TRIB2: variants seen among roughly 807,000 people sequenced by gnomAD.
TRIB2 encodes tribbles pseudokinase 2, also known as tribbles homolog 2.
A neutral mutation model predicts 26.8 loss-of-function variants in TRIB2; 2 were observed. That is an observed-to-expected ratio of 0.07 (90% CI 0.03 to 0.24). The LOEUF is 0.24. Among genes scored for constraint, TRIB2 ranks in the 10% least tolerant of loss-of-function variants. The pLI, the probability that TRIB2 is intolerant of heterozygous loss-of-function variation, is 1.00. For synonymous variants in TRIB2, 189 were observed against 187.3 expected (o/e 1.01, Z -0.08); for missense variants, 306 against 449.0 (o/e 0.68, Z 2.88).
rs1661484502 is a variant in TRIB2, at chr2:12,732,717, G to A, written c.564-7609G>A. On this transcript the variant is annotated intron_variant, in intron 2 of 2. Coordinates refer to ENST00000155926, the MANE Select transcript of TRIB2 (RefSeq NM_021643.4). The surrounding 1 kb of genome is among the most constrained non-coding windows in gnomAD (Gnocchi z 4.2). ...AATGCAGCTGCCAGGCCGGCATGAT[G>A]GTGCCAATGGTGCCAGGTGGTCCTT... 6.6e-6 allele frequency among the ~76,000 whole-genome samples: 1 copy of A among 152,222 alleles called. No homozygotes were observed. Among genetic ancestry groups the A allele is most frequent in the Non-Finnish European group, 1.5e-5 (1 of 68,034 alleles).
chr2:12,722,767 A>AAGCT (rs1203226099), intron 1 of TRIB2, among the ~76,000 whole-genome samples: 4 of 152,072 alleles, frequency 2.6e-5, no homozygotes, highest in Non-Finnish European at 5.9e-5. Flanking sequence ...CACTGGGCAA[A>AAGCT]AGCTAGCTGT....
rs1349605792 is a variant in TRIB2, at chr2:12,717,128, CT to C, written c.-1179del. The C allele has an allele frequency of 2.7e-6, 1 of 367,362 alleles. No homozygotes were observed. Among genetic ancestry groups the C allele is most frequent in the Non-Finnish European group, 4.8e-6 (1 of 207,356 alleles). The allele number at this position is 367,362 out of a possible 1,614,324, so 22.8% of individuals were successfully genotyped here. On this transcript the variant is annotated 5_prime_UTR_variant, in exon 1 of 3. Coordinates refer to ENST00000155926, the MANE Select transcript of TRIB2 (RefSeq NM_021643.4). The surrounding 1 kb of genome is among the most constrained non-coding windows in gnomAD (Gnocchi z 4.8). Reference sequence around the variant, plus strand: ...TTAAATACACGGTCCCCTCTTTTCTCTGGGGGGGGCAAGCAAGAAATCAAAG... The same window carrying C: ...TTAAATACACGGTCCCCTCTTTTCTCGGGGGGGGCAAGCAAGAAATCAAAG...
Position 12,740,614 on chromosome 2 carries a change from C to A in TRIB2, c.852C>A (p.Leu284=), listed in dbSNP as rs896885883. The part of the protein sequence containing the change: ...PETLSPKAKC[L]IRSILRREPS... ...CTCTGTCGCCCAAGGCCAAGTGCCT[C>A]ATCCGAAGCATTCTGCGTCGGGAGC... Residue 284 remains leucine (L), a synonymous_variant, in exon 3 of 3, where the codon CTC becomes CTA. Coordinates refer to ENST00000155926, the MANE Select transcript of TRIB2 (RefSeq NM_021643.4). The surrounding 1 kb of genome is among the most constrained non-coding windows in gnomAD (Gnocchi z 5.8). 3 of 1,614,096 alleles carry A rather than the reference C, an allele frequency of 1.9e-6. No individual in the cohort carries two copies. In the African/African-American group the frequency reaches 4.0e-5, roughly 22 times the overall value.
In TRIB2 at chr2:12,723,361, C is replaced by A. The variant is rs1251956030; in HGVS notation, c.372C>A (p.Thr124=). Residue 124 remains threonine (T), a synonymous_variant, in exon 2 of 3, where the codon ACC becomes ACA. Transcript: ENST00000155926. ...NQITEIILGE[T]KAYVFFERSY... is the part of the protein sequence containing the mutation. ...TCACTGAAATTATCCTGGGTGAGAC[C>A]AAAGCCTATGTGTTCTTTGAGCGAA... 6.2e-7 allele frequency: 1 copy of A among 1,614,212 alleles called. No homozygotes were observed. Among genetic ancestry groups the A allele is most frequent in the Admixed American group, 1.7e-5 (1 of 60,026 alleles).
At chr2:12,730,698 T>C (rs1329613228) in intron 2 of TRIB2, among the ~76,000 whole-genome samples, 4 of 152,216 alleles carry the variant, frequency 2.6e-5, no homozygotes, top group African/African-American at 9.6e-5. Context: ...TTAGCAGTAC[T>C]TAGGAATGTG....
In TRIB2 at chr2:12,732,409, C is replaced by T. The variant is rs369171986; in HGVS notation, c.564-7917C>T. Among the ~76,000 whole-genome samples, 20 of 152,278 alleles carry T rather than the reference C, an allele frequency of 1.3e-4. No homozygotes were observed. The highest frequency in any genetic ancestry group is 4.6e-4 in the African/African-American group (19 of 41,558). On this transcript the variant is annotated intron_variant, in intron 2 of 2. Coordinates refer to ENST00000155926, the MANE Select transcript of TRIB2 (RefSeq NM_021643.4). The surrounding 1 kb of genome is among the most constrained non-coding windows in gnomAD (Gnocchi z 4.2). The stretch of plus-strand genomic sequence containing the variant: ...AATCGGTGTGGGCACACCCACCTTC[C>T]AGATTGTGTGGTGTTGTAAGGTCAC...
At position 12,718,604 on chromosome 2, in the gene TRIB2, T is replaced by A. The variant is rs1666652905; in HGVS notation, c.270+27T>A. 6.2e-7 allele frequency: 1 copy of A among 1,601,704 alleles called. No individual in the cohort carries two copies. The highest frequency in any genetic ancestry group is 1.3e-5 in the African/African-American group (1 of 74,572). Reference sequence around the variant, plus strand: ...TAAAGGGCCAGTGGGTTGCTTTTTGTCTTTGGAAGGGGCCCGAGGGAGCGG... The same window carrying A: ...TAAAGGGCCAGTGGGTTGCTTTTTGACTTTGGAAGGGGCCCGAGGGAGCGG... On this transcript the variant is annotated intron_variant, in intron 1 of 2. Coordinates refer to ENST00000155926, the MANE Select transcript of TRIB2 (RefSeq NM_021643.4). The surrounding 1 kb of genome is among the most constrained non-coding windows in gnomAD (Gnocchi z 4.0).
At chr2:12,724,523 T>G in intron 2 of TRIB2, 91 of 1,512,696 alleles carry the variant, frequency 6.0e-5, no homozygotes, top group East Asian at 1.6e-4. Flanking sequence ...GCTCATATCT[T>G]GATCTTTGCT....
intron 2 of TRIB2, among the ~76,000 whole-genome samples, chr2:12,731,853 C>T (rs1164949158): frequency 1.3e-5 from 2 of 152,208 alleles, no homozygotes; most frequent in Non-Finnish European, 2.9e-5. Context: ...CCCCGAAGCA[C>T]TCCTAAGCCA....
Position 12,717,669 on chromosome 2 carries a change from C to T in TRIB2, c.-639C>T. 2.5e-6 allele frequency: 1 copy of T among 393,890 alleles called. No individual in the cohort carries two copies. 24.4% of individuals were successfully genotyped at this position (393,890 alleles called of 1,614,324 possible). On this transcript the variant is annotated 5_prime_UTR_variant, in exon 1 of 3. Coordinates refer to ENST00000155926, the MANE Select transcript of TRIB2 (RefSeq NM_021643.4). This position sits in a 1 kb window ranked among gnomAD's most constrained non-coding sequence, Gnocchi z 4.8. ...CGCGATCTTGGAAAAGCCTCAGACG[C>T]CATCTACAGTTAAAACGTAGGTAAC...
intron 1 of TRIB2, among the ~76,000 whole-genome samples, chr2:12,721,070 G>A (rs1162199274): frequency 2.0e-5 from 3 of 152,066 alleles, no homozygotes; most frequent in Admixed American, 6.6e-5. Context: ...TGAAGATGAT[G>A]GTTTAAATAC....
intron 2 of TRIB2, among the ~76,000 whole-genome samples, chr2:12,730,596 G>T (rs917805776): frequency 6.6e-6 from 1 of 151,920 alleles, no homozygotes; most frequent in African/African-American, 2.4e-5. Flanking sequence ...CATTCTGTGG[G>T]TTTTTTTTGT....
At chr2:12,725,235 G>A (rs1178013336) in intron 2 of TRIB2, among the ~76,000 whole-genome samples, 7 of 152,174 alleles carry the variant, frequency 4.6e-5, no homozygotes, top group East Asian at 3.9e-4. Flanking sequence ...AGGAACTCTC[G>A]GGCACCAACG....
chr2:12,724,494 C>A, intron 2 of TRIB2: 1 of 1,424,940 alleles, frequency 7.0e-7, no homozygotes, highest in Non-Finnish European at 9.4e-7. Flanking sequence ...GAATGAGGCC[C>A]CACATAATGT....
chr2:12,730,215 T>C (rs868509285), intron 2 of TRIB2, among the ~76,000 whole-genome samples: 1 of 152,332 alleles, frequency 6.6e-6, no homozygotes, highest in Middle Eastern at 3.4e-3. Flanking sequence ...TTAGCTACTG[T>C]ATTTAAATTA....
rs889966163 is a variant in TRIB2, at chr2:12,741,778, G to T, written c.*984G>T. Reference sequence around the variant, plus strand: ...AGAAACTAGTGAAACAAAGCAGGTTGTCCCACATGTATAAAATACAGGGCA... The same window carrying T: ...AGAAACTAGTGAAACAAAGCAGGTTTTCCCACATGTATAAAATACAGGGCA... On this transcript the variant is annotated 3_prime_UTR_variant, in exon 3 of 3. Coordinates refer to ENST00000155926, the MANE Select transcript of TRIB2 (RefSeq NM_021643.4). The T allele has an allele frequency of 4.6e-5, 7 of 152,660 alleles. No homozygotes were observed. Among genetic ancestry groups the T allele is most frequent in the Non-Finnish European group, 7.3e-5 (5 of 68,038 alleles). The allele number at this position is 152,660 out of a possible 1,614,324, so 9.5% of individuals were successfully genotyped here.
intron 1 of TRIB2, among the ~76,000 whole-genome samples, chr2:12,719,574 CTGTT>C (rs1558314155): frequency 2.1e-5 from 2 of 93,684 alleles, no homozygotes; most frequent in Non-Finnish European, 4.0e-5. Context: ...GATTTGCTGA[CTGTT>C]TTTTTTTTTT....
chr2:12,718,993 A>G lies in TRIB2; in HGVS notation c.270+416A>G, dbSNP rs1197146044. The stretch of plus-strand genomic sequence containing the variant: ...TGATGACTTCGTTCTTTTCGCAGCC[A>G]TTGTTCTTAGCAGCGGGCAGGTGTT... On this transcript the variant is annotated intron_variant, in intron 1 of 2. Coordinates refer to ENST00000155926, the MANE Select transcript of TRIB2 (RefSeq NM_021643.4). The surrounding 1 kb of genome is among the most constrained non-coding windows in gnomAD (Gnocchi z 4.0). 6.6e-6 allele frequency among the ~76,000 whole-genome samples: 1 copy of G among 152,148 alleles called. No homozygotes were observed. The highest frequency in any genetic ancestry group is 2.4e-5 in the African/African-American group (1 of 41,432).
chr2:12,718,147 T>G lies in TRIB2; in HGVS notation c.-161T>G. ...AGACGAGGTATCCGGCGGCGCCCAT[T>G]TGGGGGCTTCTAACTCTTTCTCCAC... On this transcript the variant is annotated 5_prime_UTR_variant, in exon 1 of 3. The change creates a new upstream start codon in the 5' untranslated region. Transcript: ENST00000155926. The surrounding 1 kb of genome is among the most constrained non-coding windows in gnomAD (Gnocchi z 4.0). 2.9e-6 allele frequency: 3 copies of G among 1,030,596 alleles called. No individual in the cohort carries two copies. The highest frequency in any genetic ancestry group is 2.7e-6 in the Non-Finnish European group (2 of 734,380). 63.8% of individuals were successfully genotyped at this position (1,030,596 alleles called of 1,614,324 possible). A position where few individuals can be genotyped will look rare whatever the true frequency, so the allele number is the denominator to read the frequency against.
Sources: allele counts gnomAD v4.1 joint callset (sites outside exome capture counted in the v4.1 genomes callset), GRCh38; gene constraint gnomAD v4.1.1; non-coding constraint Gnocchi (gnomAD v3.1); transcripts MANE v1.5; gene names NCBI Gene and HGNC (gene_info 2026-07-23, HGNC 2026-07-21).